The following ARFGEF3 variants were observed in gnomAD, a reference collection of about 807,000 sequenced individuals.
The protein encoded by ARFGEF3 is ARFGEF family member 3.
A neutral mutation model predicts 221.7 loss-of-function variants in ARFGEF3; 96 were observed. The observed-to-expected ratio is 0.43, with a 90% CI of 0.37 to 0.51. The LOEUF is 0.51. ARFGEF3 is among the 20% of genes least tolerant of loss of function. The pLI, the probability that ARFGEF3 is intolerant of heterozygous loss-of-function variation, is 0.00. For synonymous variants in ARFGEF3, 1,145 were observed against 1,126.8 expected, an observed-to-expected ratio of 1.02 and a Z score of -0.32; for missense variants, 2,410 against 2,789.9, an observed-to-expected ratio of 0.86 and a Z score of 3.07.
At chr6:138,176,343 C>T (rs143276236) in intron 2 of ARFGEF3, among the ~76,000 whole-genome samples, 7 of 151,978 alleles carry the variant, frequency 4.6e-5, no homozygotes, top group East Asian at 1.9e-4. Context: ...CCACCACACC[C>T]GGCCAATTTT....
chr6:138,278,337 C>A, intron 12 of ARFGEF3, 114 bp from the exon 13 acceptor site: 1 of 960,574 alleles, frequency 1.0e-6, no homozygotes, highest in Non-Finnish European at 1.6e-6. Flanking sequence ...CAGTGCTATA[C>A]AGAAATATCC....
chr6:138,259,887 C>T (rs2114585102), intron 10 of ARFGEF3, among the ~76,000 whole-genome samples: 1 of 152,106 alleles, frequency 6.6e-6, no homozygotes, highest in Non-Finnish European at 1.5e-5. Flanking sequence ...GTACTCCAGT[C>T]TGGGTGACAG....
At chr6:138,258,184 G>C (rs1029212753) in intron 10 of ARFGEF3, among the ~76,000 whole-genome samples, 1 of 152,016 alleles carries the variant, frequency 6.6e-6, no homozygotes, top group East Asian at 1.9e-4. Flanking sequence ...CACTTCCCTG[G>C]ATGCACCTTC....
At chr6:138,335,490 T>C (rs976133882) in intron 33 of ARFGEF3, among the ~76,000 whole-genome samples, 4 of 151,102 alleles carry the variant, frequency 2.6e-5, no homozygotes, top group East Asian at 1.9e-4. Flanking sequence ...GGCTAAAGCT[T>C]ATAACATGTA....
At chr6:138,255,849 G>A (rs117161122) in intron 10 of ARFGEF3, 80 bp downstream of exon 10, 17,423 of 1,240,632 alleles carry the variant, frequency 0.014, 199 homozygotes, top group Middle Eastern at 0.053. Context: ...GCTCAGAAAA[G>A]GCTTGCCAAT....
intron 26 of ARFGEF3, 23 bp downstream of exon 26, chr6:138,313,962 A>T (rs1370750774): frequency 6.2e-7 from 1 of 1,610,964 alleles, no homozygotes; most frequent in Non-Finnish European, 8.5e-7. Context: ...ATTGGACTAA[A>T]CTAGGTTATT....
chr6:138,265,528 T>A (rs184079187), intron 12 of ARFGEF3, among the ~76,000 whole-genome samples: 14 of 152,294 alleles, frequency 9.2e-5, no homozygotes, highest in African/African-American at 3.4e-4. Context: ...TCCTAAAAAA[T>A]TATTTTTCTC....
chr6:138,235,851 C>G (rs1282592971), intron 5 of ARFGEF3, among the ~76,000 whole-genome samples: 2 of 152,132 alleles, frequency 1.3e-5, no homozygotes, highest in Admixed American at 6.6e-5. Flanking sequence ...TCAGTCTTTA[C>G]ACTCCCAACT....
chr6:138,203,496 G>A (rs1777572898), intron 2 of ARFGEF3, among the ~76,000 whole-genome samples: 1 of 152,172 alleles, frequency 6.6e-6, no homozygotes, highest in African/African-American at 2.4e-5. Context: ...TGTTCTTGCT[G>A]GCTCTTCCCT....
intron 6 of ARFGEF3, among the ~76,000 whole-genome samples, chr6:138,238,890 T>C (rs905229331): frequency 1.6e-4 from 24 of 152,320 alleles, no homozygotes; most frequent in Non-Finnish European, 2.6e-4. Context: ...ATCATTGTTT[T>C]AAAACTTCTC....
chr6:138,243,816 T>C (rs982027307), intron 7 of ARFGEF3, among the ~76,000 whole-genome samples: 1 of 152,158 alleles, frequency 6.6e-6, no homozygotes, highest in African/African-American at 2.4e-5. Context: ...AGACACGCCT[T>C]AAGTCACATT....
chr6:138,183,813 G>A (rs919663194), intron 2 of ARFGEF3, among the ~76,000 whole-genome samples: 69 of 152,198 alleles, frequency 4.5e-4, no homozygotes, highest in African/African-American at 1.6e-3. Context: ...AAACGGGAAG[G>A]TAGGGAGGTG....
At chr6:138,312,674 G>C (rs1779850467) in intron 25 of ARFGEF3, among the ~76,000 whole-genome samples, 1 of 152,082 alleles carries the variant, frequency 6.6e-6, no homozygotes, top group Admixed American at 6.6e-5. Context: ...AGAGCACAGG[G>C]CTAAAGGATC....
At chr6:138,259,142 G>A (rs181726277) in intron 10 of ARFGEF3, among the ~76,000 whole-genome samples, 100 of 152,224 alleles carry the variant, frequency 6.6e-4, no homozygotes, top group African/African-American at 2.3e-3. Context: ...CACTTTATAC[G>A]ACAAAACCAA....
intron 29 of ARFGEF3, among the ~76,000 whole-genome samples, chr6:138,321,958 C>T (rs946767743): frequency 2.6e-5 from 4 of 152,276 alleles, no homozygotes; most frequent in East Asian, 1.9e-4. Context: ...GAGCAAGTCA[C>T]ATCTTAATGG....
chr6:138,240,615 A>G (rs972476023), intron 6 of ARFGEF3, among the ~76,000 whole-genome samples: 4 of 152,108 alleles, frequency 2.6e-5, no homozygotes, highest in East Asian at 1.9e-4. Context: ...ACTCACCCCA[A>G]CCGGAGGCAA....
chr6:138,320,808 C>T (rs989166283), intron 28 of ARFGEF3, among the ~76,000 whole-genome samples: 2 of 152,174 alleles, frequency 1.3e-5, no homozygotes, highest in Non-Finnish European at 2.9e-5. Context: ...TGGGTCATTG[C>T]TTTGCACAGT....
At chr6:138,230,603 G>A (rs1778173793) in intron 5 of ARFGEF3, among the ~76,000 whole-genome samples, 1 of 152,212 alleles carries the variant, frequency 6.6e-6, no homozygotes, top group African/African-American at 2.4e-5. Context: ...CAGCACTCAT[G>A]GAGAGTACTT....
chr6:138,292,587 C>T (rs1779432503), intron 19 of ARFGEF3, among the ~76,000 whole-genome samples: 1 of 152,194 alleles, frequency 6.6e-6, no homozygotes, highest in African/African-American at 2.4e-5. Flanking sequence ...GTTGAAAGTG[C>T]TTTTGGTCAC....
Sources: gnomAD v4.1 joint callset for allele counts (sites outside exome capture counted in the v4.1 genomes callset) on GRCh38, gnomAD v4.1.1 for gene constraint, MANE v1.5 for transcripts, NCBI Gene and HGNC (gene_info 2026-07-23, HGNC 2026-07-21) for gene names.